Variants in FAM76A observed in about 807,000 individuals in gnomAD.
The protein encoded by FAM76A is protein FAM76A.
In FAM76A, 32 loss-of-function variants were observed where a neutral mutation model predicts 46.2. That is an observed-to-expected ratio of 0.69 (90% CI 0.52 to 0.93). The LOEUF (loss-of-function observed/expected upper bound fraction) is 0.93, where lower values mean the gene tolerates loss of function less well. Ranked by LOEUF, FAM76A falls within the 40% of genes least tolerant of loss-of-function variation. The pLI, the probability that FAM76A is intolerant of heterozygous loss-of-function variation, is 0.00. For missense variants in FAM76A, 274 were observed against 361.5 expected (o/e 0.76, Z 1.96); for synonymous variants, 137 against 127.0 (o/e 1.08, Z -0.53).
chr1:27,759,780 T>TTTTTTTTTTTTTTTTTTTTTTTTTTTTG (rs1491150258), intron 8 of FAM76A, 153 bp downstream of exon 8: 1 of 498,968 alleles, frequency 2.0e-6, no homozygotes, highest in African/African-American at 2.9e-5. Flanking sequence ...TTTTTTTTTG[T>TTTTTTTTTTTTTTTTTTTTTTTTTTTTG]TTTTTTTTTG....
intron 1 of FAM76A, 143 bp downstream of exon 1, chr1:27,726,304 G>A: frequency 1.5e-6 from 1 of 673,778 alleles, no homozygotes; most frequent in Non-Finnish European, 2.1e-6. Flanking sequence ...CCACCCCGCT[G>A]GGGGCCGGCG....
rs2088489007 is a variant in FAM76A at position 27,760,662 on chromosome 1, T to C, written c.*81T>C. The stretch of plus-strand genomic sequence containing the variant: ...TGGAGACCTGGCTGTTCTGTGGGAA[T>C]TGCAAGCTTTCTTAAGAAATCTCTA... On this transcript the variant is annotated 3_prime_UTR_variant, in exon 9 of 9. Transcript: ENST00000373954. 1 of 945,264 alleles carries C rather than the reference T, an allele frequency of 1.1e-6. No homozygotes were observed. The highest frequency in any genetic ancestry group is 1.7e-5 in the African/African-American group (1 of 59,752). The allele number at this position is 945,264 out of a possible 1,614,324, so 58.6% of individuals were successfully genotyped here. A position where few individuals can be genotyped will look rare whatever the true frequency, so the allele number is the denominator to read the frequency against.
At chr1:27,739,980 GC>G in intron 4 of FAM76A, 1 of 286,958 alleles carries the variant, frequency 3.5e-6, no homozygotes. Context: ...AGATTGGCTC[GC>G]CCATCCTCAA....
chr1:27,751,544 G>A (rs1197697595), intron 6 of FAM76A, among the ~76,000 whole-genome samples: 3 of 134,396 alleles, frequency 2.2e-5, no homozygotes, highest in Non-Finnish European at 3.1e-5. Flanking sequence ...TCACCCTGTT[G>A]CCCAGGCTGG....
At chr1:27,742,589 A>G (rs1438756901) in intron 4 of FAM76A, among the ~76,000 whole-genome samples, 1 of 152,160 alleles carries the variant, frequency 6.6e-6, no homozygotes, top group Non-Finnish European at 1.5e-5. Flanking sequence ...AAACTGAGGT[A>G]TAGGAGGGTG....
Position 27,725,993 on chromosome 1 carries a change from C to T in FAM76A, c.-88C>T, listed in dbSNP as rs1052390185. 1.0e-5 allele frequency: 11 copies of T among 1,083,524 alleles called. No individual in the cohort carries two copies. Among genetic ancestry groups the T allele is most frequent in the Middle Eastern group, 3.5e-4 (1 of 2,882 alleles). 67.1% of individuals were successfully genotyped at this position (1,083,524 alleles called of 1,614,324 possible). On this transcript the variant is annotated 5_prime_UTR_variant, in exon 1 of 9. Transcript: ENST00000373954. ...CCCGCCCGCCTGCCGCAGCCAGCAG[C>T]CTGCAGCCGCCGCCGGGTTGTGCCT...
intron 8 of FAM76A, 69 bp downstream of exon 8, chr1:27,759,696 T>G (rs2088470677): frequency 1.0e-6 from 1 of 1,000,926 alleles, no homozygotes; most frequent in African/African-American, 1.6e-5. Flanking sequence ...TGATTGTATT[T>G]TAAGTGATCA....
intron 7 of FAM76A, 148 bp from the exon 8 acceptor site, chr1:27,759,378 G>T (rs370756476): frequency 5.4e-5 from 29 of 532,300 alleles, no homozygotes; most frequent in African/African-American, 3.9e-4. Flanking sequence ...AGAAAAAGAG[G>T]GTGTGGAATT....
intron 7 of FAM76A, 29 bp downstream of exon 7, chr1:27,755,359 A>G: frequency 6.2e-7 from 1 of 1,612,878 alleles, no homozygotes; most frequent in African/African-American, 1.3e-5. Context: ...CTCTCTGACC[A>G]GAATGATGCG....
chr1:27,742,705 A>C (rs1438019082), intron 4 of FAM76A, among the ~76,000 whole-genome samples: 2 of 152,172 alleles, frequency 1.3e-5, no homozygotes, highest in Non-Finnish European at 2.9e-5. Context: ...TATAGTTGAA[A>C]TTATAGTTGA....
chr1:27,741,340 C>T (rs1311825427), intron 4 of FAM76A, among the ~76,000 whole-genome samples: 1 of 151,794 alleles, frequency 6.6e-6, no homozygotes, highest in East Asian at 1.9e-4. Context: ...CATGTGCCAC[C>T]ACGCCCAGCT....
chr1:27,744,849 G>A, intron 5 of FAM76A, 38 bp downstream of exon 5: 1 of 1,593,100 alleles, frequency 6.3e-7, no homozygotes, highest in Non-Finnish European at 8.6e-7. Context: ...TAGAAGTGCT[G>A]GTAGGTCAGA....
At chr1:27,732,937 TTTG>T (rs1348659922) in intron 3 of FAM76A, among the ~76,000 whole-genome samples, 3 of 151,908 alleles carry the variant, frequency 2.0e-5, no homozygotes, top group African/African-American at 7.2e-5. Flanking sequence ...TGTTTTTGTT[TTTG>T]TTTTTTTTTT....
intron 4 of FAM76A, among the ~76,000 whole-genome samples, chr1:27,737,075 G>A (rs1413802675): frequency 2.0e-5 from 3 of 152,004 alleles, no homozygotes; most frequent in Admixed American, 6.6e-5. Flanking sequence ...TCAGCCTCCC[G>A]AGTAGCTGGG....
intron 1 of FAM76A, among the ~76,000 whole-genome samples, chr1:27,726,809 G>A (rs1480922801): frequency 6.6e-6 from 1 of 152,082 alleles, no homozygotes; most frequent in African/African-American, 2.4e-5. Flanking sequence ...TGCTCCTGAA[G>A]GTCCAACTTC....
chr1:27,740,594 TCA>T (rs2088134849), intron 4 of FAM76A: 3 of 849,696 alleles, frequency 3.5e-6, no homozygotes, highest in Non-Finnish European at 5.7e-6. Flanking sequence ...AAATATATGT[TCA>T]GAAGCCACTC....
intron 6 of FAM76A, among the ~76,000 whole-genome samples, chr1:27,751,906 C>CGATCCTCCCACCCCAGCCTCCCA (rs1553179314): frequency 6.6e-6 from 1 of 151,650 alleles, no homozygotes; most frequent in Non-Finnish European, 1.5e-5. Context: ...TGGACTCAAA[C>CGATCCTCCCACCCCAGCCTCCCA]GATCCTCCCA....
chr1:27,730,166 T>C, intron 2 of FAM76A: 1 of 202,316 alleles, frequency 4.9e-6, no homozygotes, highest in South Asian at 5.7e-5. Flanking sequence ...TTAGTTTTTC[T>C]TTTCTTTTTC....
At chr1:27,739,977 C>A in intron 4 of FAM76A, 1 of 290,990 alleles carries the variant, frequency 3.4e-6, no homozygotes, top group South Asian at 3.9e-5. Flanking sequence ...GCAAGATTGG[C>A]TCGCCCATCC....
Sources: gnomAD v4.1 joint callset for allele counts (sites outside exome capture counted in the v4.1 genomes callset) on GRCh38, gnomAD v4.1.1 for gene constraint, MANE v1.5 for transcripts, NCBI Gene and HGNC (gene_info 2026-07-23, HGNC 2026-07-21) for gene names.